INPP4B: variants seen among roughly 807,000 people sequenced by gnomAD.
INPP4B encodes inositol polyphosphate-4-phosphatase type II B, also known as inositol polyphosphate 4-phosphatase type II.
Under a neutral mutation model 122.5 loss-of-function variants are expected in INPP4B, and 55 were observed. That is an observed-to-expected ratio of 0.45 (90% CI 0.36 to 0.56). INPP4B has a LOEUF of 0.56. INPP4B is among the 20% of genes least tolerant of loss of function. INPP4B has a pLI of 0.00. For synonymous variants in INPP4B, 403 were observed against 388.7 expected (o/e 1.04, Z -0.43); for missense variants, 1,000 against 1,097.7 (o/e 0.91, Z 1.26).
At chr4:142,571,798 A>G (rs1732888962) in intron 2 of INPP4B, among the ~76,000 whole-genome samples, 1 of 152,106 alleles carries the variant, frequency 6.6e-6, no homozygotes, top group East Asian at 1.9e-4. Flanking sequence ...ACAGAGCACA[A>G]GTTATTTATT....
At chr4:142,072,712 A>T (rs1330847293) in intron 25 of INPP4B, among the ~76,000 whole-genome samples, 1 of 151,986 alleles carries the variant, frequency 6.6e-6, no homozygotes. Flanking sequence ...ATATTTACTG[A>T]TCCTCACTGT....
intron 1 of INPP4B, among the ~76,000 whole-genome samples, chr4:142,802,671 T>A (rs1778153465): frequency 1.3e-5 from 2 of 152,132 alleles, no homozygotes; most frequent in African/African-American, 4.8e-5. Flanking sequence ...GGTACGGAAG[T>A]TACCTTGAAA....
intron 2 of INPP4B, among the ~76,000 whole-genome samples, chr4:142,626,550 G>A (rs1746454638): frequency 6.6e-6 from 1 of 151,934 alleles, no homozygotes; most frequent in Non-Finnish European, 1.5e-5. Flanking sequence ...TGTGAACTTG[G>A]AAAAGGGCTC....
chr4:142,246,420 A>G (rs1728853276), intron 11 of INPP4B, among the ~76,000 whole-genome samples: 1 of 152,090 alleles, frequency 6.6e-6, no homozygotes, highest in Admixed American at 6.5e-5. Context: ...AATTCTTCCT[A>G]TCCATGAACA....
intron 2 of INPP4B, among the ~76,000 whole-genome samples, chr4:142,561,522 G>A (rs1005379368): frequency 2.0e-5 from 3 of 152,078 alleles, no homozygotes; most frequent in Non-Finnish European, 2.9e-5. Flanking sequence ...AGGTTCAATC[G>A]ATTCTTCTGC....
chr4:142,584,728 C>T (rs1237859422), intron 2 of INPP4B, among the ~76,000 whole-genome samples: 1 of 152,052 alleles, frequency 6.6e-6, no homozygotes, highest in Non-Finnish European at 1.5e-5. Context: ...AGTTATCCTT[C>T]TTTTCTCTTT....
chr4:142,525,823 G>A lies in INPP4B; in HGVS notation c.-190-63097C>T, dbSNP rs1296346901. Among the ~76,000 whole-genome samples, 3 of 148,820 alleles carry A rather than the reference G, an allele frequency of 2.0e-5. No homozygotes were observed. The East Asian group carries it at 5.9e-4, about 29-fold the overall frequency. On this transcript the variant is annotated intron_variant, in intron 2 of 25. Coordinates refer to ENST00000262992, the MANE Select transcript of INPP4B (RefSeq NM_001101669.3). ...CTAGGCAATACCATTCAGGACATAGGCATGGGCAAGGACTTCATGTCTAAA... is the reference window on the plus strand; with the variant it reads ...CTAGGCAATACCATTCAGGACATAGACATGGGCAAGGACTTCATGTCTAAA...
intron 2 of INPP4B, among the ~76,000 whole-genome samples, chr4:142,671,621 A>G (rs947048126): frequency 1.3e-5 from 2 of 152,094 alleles, no homozygotes; most frequent in African/African-American, 2.4e-5. Flanking sequence ...CCCACTTACT[A>G]TTATTGCCAG....
intron 2 of INPP4B, among the ~76,000 whole-genome samples, chr4:142,651,428 A>C (rs1393479432): frequency 6.6e-6 from 1 of 152,216 alleles, no homozygotes; most frequent in African/African-American, 2.4e-5. Flanking sequence ...AAATGAATCC[A>C]GGAGCTGGAT....
rs150048176 is a variant in INPP4B at position 142,232,637 on chromosome 4, G to A, written c.836+5227C>T. 4.0e-5 allele frequency among the ~76,000 whole-genome samples: 6 copies of A among 151,742 alleles called. No individual in the cohort carries two copies. The East Asian group carries it at 1.2e-3, about 30-fold the overall frequency. On this transcript the variant is annotated intron_variant, in intron 12 of 25. Coordinates refer to ENST00000262992, the MANE Select transcript of INPP4B (RefSeq NM_001101669.3). ...TAGGCCAATCTATAACCCTACAATG[G>A]CCCACATGTCTCTCACTTTAAATCA...
intron 25 of INPP4B, among the ~76,000 whole-genome samples, chr4:142,063,101 T>C (rs1392826133): frequency 1.3e-5 from 2 of 152,158 alleles, no homozygotes; most frequent in Non-Finnish European, 2.9e-5. Context: ...TCAACATTTA[T>C]TTTTTGCAGG....
At chr4:142,549,076 T>C (rs10004909) in intron 2 of INPP4B, among the ~76,000 whole-genome samples, 5,098 of 152,168 alleles carry the variant, frequency 0.034, 217 homozygotes, top group African/African-American at 0.097. Flanking sequence ...AGAAGAGTGA[T>C]GTGATTTAAT....
At chr4:142,455,702 T>A (rs1304028474) in intron 3 of INPP4B, among the ~76,000 whole-genome samples, 2 of 152,090 alleles carry the variant, frequency 1.3e-5, no homozygotes, top group Non-Finnish European at 2.9e-5. Flanking sequence ...ATATGGTAGC[T>A]CTTTTTAGTC....
intron 6 of INPP4B, 47 bp downstream of exon 6, chr4:142,405,159 A>ACG: frequency 1.0e-6 from 1 of 969,576 alleles, no homozygotes; most frequent in Non-Finnish European, 1.6e-6. Flanking sequence ...GCGAGCCAGC[A>ACG]AGAGAGAGAG....
At chr4:142,313,915 G>A (rs895495311) in intron 8 of INPP4B, among the ~76,000 whole-genome samples, 8 of 152,158 alleles carry the variant, frequency 5.3e-5, no homozygotes, top group African/African-American at 1.9e-4. Context: ...GTTTGAGAAA[G>A]TGGCTGTGTT....
At chr4:142,761,795 T>C (rs996342505) in intron 1 of INPP4B, among the ~76,000 whole-genome samples, 4 of 152,194 alleles carry the variant, frequency 2.6e-5, no homozygotes, top group Non-Finnish European at 5.9e-5. Flanking sequence ...AGACTTTTTA[T>C]ATATTCAAAT....
chr4:142,267,938 A>T (rs1251136577), intron 10 of INPP4B, among the ~76,000 whole-genome samples: 1 of 152,164 alleles, frequency 6.6e-6, no homozygotes, highest in Non-Finnish European at 1.5e-5. Context: ...CGGATATATT[A>T]AAAAATGCTC....
At chr4:142,627,678 C>T (rs2150404715) in intron 2 of INPP4B, among the ~76,000 whole-genome samples, 2 of 151,020 alleles carry the variant, frequency 1.3e-5, no homozygotes, top group Non-Finnish European at 3.0e-5. Context: ...AGGATTTTTT[C>T]ACGAATGTTC....
At chr4:142,730,022 C>T (rs1765855477) in intron 1 of INPP4B, among the ~76,000 whole-genome samples, 1 of 152,112 alleles carries the variant, frequency 6.6e-6, no homozygotes, top group South Asian at 2.1e-4. Flanking sequence ...TCTAGAGAGT[C>T]TCCTTGAAGA....
Sources: allele counts gnomAD v4.1 joint callset (sites outside exome capture counted in the v4.1 genomes callset), GRCh38; gene constraint gnomAD v4.1.1; transcripts MANE v1.5; gene names NCBI Gene and HGNC (gene_info 2026-07-23, HGNC 2026-07-21).